The following TFEB variants were observed in gnomAD, a reference collection of about 807,000 sequenced individuals.
TFEB encodes T-cell transcription factor EB.
In TFEB, 12 loss-of-function variants were observed where a neutral mutation model predicts 48.0. The observed-to-expected ratio is 0.25, with a 90% CI of 0.16 to 0.40. The LOEUF (loss-of-function observed/expected upper bound fraction) is 0.40, where lower values mean the gene tolerates loss of function less well. Ranked by LOEUF, TFEB falls within the 10% of genes least tolerant of loss-of-function variation. The pLI is 1.00. For synonymous variants in TFEB, 244 were observed against 261.4 expected (o/e 0.93, Z 0.64); for missense variants, 509 against 640.3 (o/e 0.79, Z 2.21).
intron 1 of TFEB, among the ~76,000 whole-genome samples, chr6:41,696,225 C>T (rs1769574782): frequency 6.6e-6 from 1 of 152,202 alleles, no homozygotes; most frequent in African/African-American, 2.4e-5. Context: ...CTAAATGATC[C>T]TTTAAAACTT....
At chr6:41,687,849 G>A in intron 5 of TFEB, 40 bp from the exon 6 acceptor site, 1 of 1,610,916 alleles carries the variant, frequency 6.2e-7, no homozygotes, top group Non-Finnish European at 8.5e-7. Context: ...CTGGGAGGGA[G>A]GGAGAAAAGG....
chr6:41,686,371 G>T, intron 7 of TFEB, 134 bp from the exon 8 acceptor site: 1 of 1,197,440 alleles, frequency 8.4e-7, no homozygotes, highest in Non-Finnish European at 1.2e-6. Context: ...AGGTGGAGGT[G>T]GCTGATCTCA....
intron 1 of TFEB, among the ~76,000 whole-genome samples, chr6:41,709,978 G>A (rs1770410802): frequency 6.6e-6 from 1 of 151,938 alleles, no homozygotes; most frequent in Non-Finnish European, 1.5e-5. Flanking sequence ...TGTAGAGATG[G>A]GGGTCTCATT....
chr6:41,690,929 A>G lies in TFEB; in HGVS notation c.214-12T>C. On this transcript the variant is annotated splice_polypyrimidine_tract_variant and intron_variant, in intron 2 of 8. Coordinates refer to ENST00000373033, the MANE Select transcript of TFEB (RefSeq NM_001271944.2). ...AGGTAGGACTGCACCTGGGAGGGGG[A>G]AAAGGCAAGGGCTCTAGGGGAGGCT... 1 of 1,575,486 alleles carries G rather than the reference A, an allele frequency of 6.3e-7. No homozygotes were observed. Among genetic ancestry groups the G allele is most frequent in the South Asian group, 1.2e-5 (1 of 85,840 alleles).
At chr6:41,726,039 G>A (rs1299217549) in intron 1 of TFEB, among the ~76,000 whole-genome samples, 1 of 152,236 alleles carries the variant, frequency 6.6e-6, no homozygotes, top group Non-Finnish European at 1.5e-5. Flanking sequence ...AGCTGGGGAG[G>A]TGGAGGTTGC....
intron 1 of TFEB, among the ~76,000 whole-genome samples, chr6:41,698,254 C>T (rs1392493391): frequency 6.6e-6 from 1 of 152,200 alleles, no homozygotes; most frequent in Non-Finnish European, 1.5e-5. Flanking sequence ...AGGCTGGACC[C>T]TGGCAGTCTG....
intron 1 of TFEB, among the ~76,000 whole-genome samples, chr6:41,713,790 A>G (rs1438537999): frequency 6.6e-6 from 1 of 152,184 alleles, no homozygotes; most frequent in African/African-American, 2.4e-5. Context: ...CTGGCTAGAC[A>G]TGTGGCACCC....
chr6:41,735,218 G>A, intron 1 of TFEB, 132 bp downstream of exon 1: 1 of 912,148 alleles, frequency 1.1e-6, no homozygotes, highest in Non-Finnish European at 1.3e-6. Context: ...GGCGCGCACG[G>A]TCCTGCTTCC....
chr6:41,735,721 G>T, upstream of TFEB: 2 of 280,922 alleles, frequency 7.1e-6, no homozygotes, highest in Non-Finnish European at 1.1e-5. Flanking sequence ...TAGGCACGCC[G>T]GGATTTGTAG....
intron 1 of TFEB, among the ~76,000 whole-genome samples, chr6:41,692,489 C>T (rs148562618): frequency 6.6e-6 from 1 of 152,324 alleles, no homozygotes; most frequent in African/African-American, 2.4e-5. Context: ...GAGAGGACTT[C>T]CCACCAGCAC....
At chr6:41,729,103 C>T (rs1255931955) in intron 1 of TFEB, among the ~76,000 whole-genome samples, 2 of 152,044 alleles carry the variant, frequency 1.3e-5, no homozygotes, top group Admixed American at 6.5e-5. Context: ...GGCCCCGCCT[C>T]GCCTCCCCTG....
chr6:41,692,439 G>T (rs1769362986), intron 1 of TFEB, among the ~76,000 whole-genome samples: 1 of 152,210 alleles, frequency 6.6e-6, no homozygotes, highest in African/African-American at 2.4e-5. Context: ...GGCCTGTATG[G>T]GGAGGGCCAC....
Position 41,723,499 on chromosome 6 carries a change from T to C in TFEB, c.-23+11851A>G, listed in dbSNP as rs1337898162. 2.3e-6 allele frequency: 3 copies of C among 1,289,124 alleles called. No homozygotes were observed. The Admixed American group carries it at 6.9e-5, about 30-fold the overall frequency. The allele number at this position is 1,289,124 out of a possible 1,614,324, so 79.9% of individuals were successfully genotyped here. ...GCCCCCTGGAAGGAGGCCCCTGGAA[T>C]GCTCAGCTCCTCCAGGGGCCGGAGC... On this transcript the variant is annotated intron_variant, in intron 1 of 8. Coordinates refer to ENST00000373033, the MANE Select transcript of TFEB (RefSeq NM_001271944.2). The surrounding 1 kb of genome is among the most constrained non-coding windows in gnomAD (Gnocchi z 6.0).
chr6:41,695,982 CG>C (rs1412840037), intron 1 of TFEB, among the ~76,000 whole-genome samples: 1 of 152,230 alleles, frequency 6.6e-6, no homozygotes, highest in African/African-American at 2.4e-5. Flanking sequence ...AGGCCAGCCG[CG>C]GTCCCTGGGT....
Position 41,723,523 on chromosome 6 carries a change from G to GCCCAGGGCCGCACCCCAGC in TFEB, c.-23+11808_-23+11826dup, listed in dbSNP as rs1561871737. ...ATGCTCAGCTCCTCCAGGGGCCGGA[G>GCCCAGGGCCGCACCCCAGC]CCCAGGGCCGCACCCCAGCCCCAGG... is the stretch of plus-strand genomic sequence containing the variant. On this transcript the variant is annotated intron_variant, in intron 1 of 8. Coordinates refer to ENST00000373033, the MANE Select transcript of TFEB (RefSeq NM_001271944.2). The surrounding 1 kb of genome is among the most constrained non-coding windows in gnomAD (Gnocchi z 6.0). 1.6e-6 allele frequency: 2 copies of GCCCAGGGCCGCACCCCAGC among 1,286,088 alleles called. No homozygotes were observed. The highest frequency in any genetic ancestry group is 2.5e-5 in the South Asian group (2 of 80,698). 79.7% of individuals were successfully genotyped at this position (1,286,088 alleles called of 1,614,324 possible). A position where few individuals can be genotyped will look rare whatever the true frequency, so the allele number is the denominator to read the frequency against.
chr6:41,697,859 T>C (rs989383104), intron 1 of TFEB, among the ~76,000 whole-genome samples: 5 of 152,138 alleles, frequency 3.3e-5, no homozygotes, highest in African/African-American at 1.2e-4. Context: ...AGGGGGAAAT[T>C]GTATATAAAA....
Position 41,685,086 on chromosome 6 carries a change from G to T in TFEB, c.952-8C>A. 7.0e-7 allele frequency: 1 copy of T among 1,434,684 alleles called. No homozygotes were observed. The highest frequency in any genetic ancestry group is 1.5e-5 in the South Asian group (1 of 64,820). The allele number at this position is 1,434,684 out of a possible 1,614,324, so 88.9% of individuals were successfully genotyped here. On this transcript the variant is annotated splice_region_variant and splice_polypyrimidine_tract_variant and intron_variant, in intron 8 of 8. Transcript: ENST00000373033. The stretch of plus-strand genomic sequence containing the variant: ...AGCCTGCATCTCCAGCTCCTGCAGG[G>T]GAGCAGACAGAAGGCTGGGGAACAC...
At chr6:41,710,034 C>T (rs998281802) in intron 1 of TFEB, among the ~76,000 whole-genome samples, 3 of 152,174 alleles carry the variant, frequency 2.0e-5, no homozygotes, top group African/African-American at 7.2e-5. Context: ...AGCGATTCTC[C>T]TGCCTCAGCC....
chr6:41,700,188 T>A (rs9369304), intron 1 of TFEB, among the ~76,000 whole-genome samples: 1 of 151,872 alleles, frequency 6.6e-6, no homozygotes, highest in African/African-American at 2.4e-5. Flanking sequence ...CAAAAGAGGC[T>A]GGGCGCGGTG....
Sources: gnomAD v4.1 joint callset for allele counts (sites outside exome capture counted in the v4.1 genomes callset) on GRCh38, gnomAD v4.1.1 for gene constraint, Gnocchi (gnomAD v3.1) non-coding constraint, MANE v1.5 for transcripts, NCBI Gene and HGNC (gene_info 2026-07-23, HGNC 2026-07-21) for gene names.